CNTN5: variants seen among roughly 807,000 people sequenced by gnomAD.
The protein encoded by CNTN5 is contactin-5.
CNTN5 carries 77 observed loss-of-function variants against 129.1 expected under a neutral mutation model. The observed-to-expected ratio is 0.60, with a 90% CI of 0.50 to 0.72. The LOEUF is 0.72. CNTN5 is among the 30% of genes least tolerant of loss of function. CNTN5 has a pLI of 0.00. For missense variants in CNTN5, 1,478 were observed against 1,328.8 expected (o/e 1.11, Z -1.75); for synonymous variants, 509 against 465.6 (o/e 1.09, Z -1.20).
chr11:99,641,854 C>G (rs1565380118), intron 3 of CNTN5, among the ~76,000 whole-genome samples: 1 of 152,164 alleles, frequency 6.6e-6, no homozygotes, highest in Admixed American at 6.6e-5. Flanking sequence ...GCAACAATAG[C>G]TAACATTATT....
rs1481276961 is a variant in CNTN5, at chr11:99,720,923, C to T, written c.56-98621C>T. 2.0e-5 allele frequency among the ~76,000 whole-genome samples: 3 copies of T among 152,146 alleles called. No individual in the cohort carries two copies. The South Asian group carries it at 6.2e-4, about 32-fold the overall frequency. The stretch of plus-strand genomic sequence containing the variant: ...CAATTGCCACAAAAAGAATGAAATA[C>T]TTAGGTATACATCTAACCAGGGTGA... On this transcript the variant is annotated intron_variant, in intron 3 of 24. Transcript: ENST00000524871.
intron 7 of CNTN5, among the ~76,000 whole-genome samples, chr11:99,922,756 G>A (rs1444328824): frequency 6.6e-6 from 1 of 152,066 alleles, no homozygotes; most frequent in East Asian, 1.9e-4. Flanking sequence ...AGTATATGAA[G>A]CTTACCACCT....
chr11:99,781,345 G>C (rs142778355), intron 3 of CNTN5, among the ~76,000 whole-genome samples: 42 of 152,058 alleles, frequency 2.8e-4, no homozygotes, highest in African/African-American at 9.2e-4. Context: ...TTATTTTCAT[G>C]TTTCTTGGCA....
chr11:100,057,428 T>A (rs1473841386), intron 9 of CNTN5, among the ~76,000 whole-genome samples: 1 of 151,674 alleles, frequency 6.6e-6, no homozygotes, highest in Non-Finnish European at 1.5e-5. Flanking sequence ...ATTGGGTGCT[T>A]ACAATATGCC....
At chr11:99,478,337 G>C (rs1245770013) in intron 2 of CNTN5, among the ~76,000 whole-genome samples, 1 of 152,238 alleles carries the variant, frequency 6.6e-6, no homozygotes, top group East Asian at 1.9e-4. Context: ...TCTTTGGCTG[G>C]GGGCCCACCC....
chr11:99,662,641 C>A (rs1003448710), intron 3 of CNTN5, among the ~76,000 whole-genome samples: 6 of 152,104 alleles, frequency 3.9e-5, no homozygotes, highest in Non-Finnish European at 7.4e-5. Flanking sequence ...AACATATAAG[C>A]TAAAATACTT....
intron 3 of CNTN5, among the ~76,000 whole-genome samples, chr11:99,724,794 G>C (rs188952616): frequency 6.6e-6 from 1 of 152,162 alleles, no homozygotes. Context: ...GACTAAAGGA[G>C]TGAATGTCCC....
Position 99,422,997 on chromosome 11 carries a change from A to G in CNTN5, c.-71+97513A>G, listed in dbSNP as rs572832522. ...GAAGAAAACATTTTCGTTATTGAATAAGCATGTAAATAGAATGTGATGCAA... is the reference window on the plus strand; with the variant it reads ...GAAGAAAACATTTTCGTTATTGAATGAGCATGTAAATAGAATGTGATGCAA... On this transcript the variant is annotated intron_variant, in intron 2 of 24. Transcript: ENST00000524871. Among the ~76,000 whole-genome samples, 4 of 152,332 alleles carry G rather than the reference A, an allele frequency of 2.6e-5. No individual in the cohort carries two copies. In the East Asian group the frequency reaches 7.7e-4, roughly 29 times the overall value.
intron 13 of CNTN5, among the ~76,000 whole-genome samples, chr11:100,185,587 G>A (rs913375970): frequency 2.0e-5 from 3 of 152,172 alleles, no homozygotes; most frequent in Non-Finnish European, 2.9e-5. Context: ...GGAAGGACAC[G>A]TAATGGACTG....
chr11:100,097,989 C>A (rs939840869), intron 13 of CNTN5, among the ~76,000 whole-genome samples: 4 of 151,732 alleles, frequency 2.6e-5, no homozygotes, highest in Non-Finnish European at 1.5e-5. Flanking sequence ...AAGAAAAAAT[C>A]CTTCATTTGT....
chr11:99,581,660 C>A (rs914169140), intron 3 of CNTN5, among the ~76,000 whole-genome samples: 1 of 152,130 alleles, frequency 6.6e-6, no homozygotes, highest in Admixed American at 6.6e-5. Flanking sequence ...GCAACCCCTG[C>A]CTTTTTTTGT....
At chr11:99,753,769 A>G (rs1218763527) in intron 3 of CNTN5, among the ~76,000 whole-genome samples, 3 of 146,648 alleles carry the variant, frequency 2.0e-5, no homozygotes, top group African/African-American at 7.6e-5. Context: ...GCTCACTGCA[A>G]CCTCCACCTC....
At chr11:100,335,268 G>A (rs1433354350) in intron 21 of CNTN5, among the ~76,000 whole-genome samples, 2 of 152,148 alleles carry the variant, frequency 1.3e-5, no homozygotes, top group East Asian at 1.9e-4. Context: ...AAAAGTAGGG[G>A]AAAGTTCACA....
At chr11:99,155,325 AT>A (rs1352546142) in intron 1 of CNTN5, among the ~76,000 whole-genome samples, 1 of 152,118 alleles carries the variant, frequency 6.6e-6, no homozygotes, top group African/African-American at 2.4e-5. Flanking sequence ...ATCACTTTTA[AT>A]TTCTTTGCTG....
At chr11:99,785,853 C>G (rs1445700702) in intron 3 of CNTN5, among the ~76,000 whole-genome samples, 1 of 152,080 alleles carries the variant, frequency 6.6e-6, no homozygotes, top group Non-Finnish European at 1.5e-5. Context: ...TGGGACATAT[C>G]TCAAAATAAT....
In CNTN5 at chr11:99,871,747, TAA is replaced by T. The variant is rs545688560; in HGVS notation, c.577+26487_577+26488del. Among the ~76,000 whole-genome samples, 203 of 152,184 alleles carry T rather than the reference TAA, an allele frequency of 1.3e-3. 1 individual carries two copies. The highest frequency in any genetic ancestry group is 4.7e-3 in the African/African-American group (194 of 41,556). ...AGCTGGAAAAAATCCTGCTGAAATG[TAA>T]AGTTGATTTTGTCACCAAGAAGTCT... On this transcript the variant is annotated intron_variant, in intron 6 of 24. Coordinates refer to ENST00000524871, the MANE Select transcript of CNTN5 (RefSeq NM_014361.4).
intron 4 of CNTN5, among the ~76,000 whole-genome samples, chr11:99,836,682 G>A (rs1947318442): frequency 6.6e-6 from 1 of 152,052 alleles, no homozygotes. Flanking sequence ...TGGGTCAAAT[G>A]GTATTTCTAG....
intron 18 of CNTN5, among the ~76,000 whole-genome samples, chr11:100,277,523 G>A (rs564033741): frequency 4.3e-4 from 65 of 152,016 alleles, no homozygotes; most frequent in Non-Finnish European, 7.2e-4. Context: ...TGTAAACTGG[G>A]GTGAAATTAC....
chr11:99,559,622 G>A (rs1948776274), intron 3 of CNTN5, among the ~76,000 whole-genome samples: 1 of 152,162 alleles, frequency 6.6e-6, no homozygotes, highest in African/African-American at 2.4e-5. Context: ...ACATGGTATA[G>A]CCATTTTGGA....
Sources: gnomAD v4.1 joint callset for allele counts (sites outside exome capture counted in the v4.1 genomes callset) on GRCh38, gnomAD v4.1.1 for gene constraint, MANE v1.5 for transcripts, NCBI Gene and HGNC (gene_info 2026-07-23, HGNC 2026-07-21) for gene names.